Variants in PALS2 observed in about 807,000 individuals in gnomAD.
The protein encoded by PALS2 is protein PALS2.
In PALS2, 27 loss-of-function variants were observed where a neutral mutation model predicts 61.6. The observed-to-expected ratio is 0.44, with a 90% confidence interval of 0.32 to 0.60. The LOEUF (loss-of-function observed/expected upper bound fraction) is 0.60. Among genes scored for constraint, PALS2 ranks in the 20% least tolerant of loss-of-function variants. The pLI, the probability that PALS2 is intolerant of heterozygous loss-of-function variation, is 0.05. For synonymous variants in PALS2, 236 were observed against 218.6 expected (o/e 1.08, Z -0.70); for missense variants, 554 against 639.4 (o/e 0.87, Z 1.44).
rs1159349066 is a variant in PALS2, at chr7:24,687,494, C to T, written c.1503C>T (p.Asn501=). Reference sequence around the variant, plus strand: ...GTGCACGGATTCAGAGAGCATACAACCACTATTTTGATTTGATCATCATAA... The same window carrying T: ...GTGCACGGATTCAGAGAGCATACAATCACTATTTTGATTTGATCATCATAA... ...DESARIQRAY[N]HYFDLIIIND... The change falls in exon 12 of 12, where the codon AAC becomes AAT. Residue 501 remains asparagine, a synonymous_variant. Coordinates refer to ENST00000222644, the MANE Select transcript of PALS2 (RefSeq NM_001303037.2). This position sits in a 1 kb window ranked among gnomAD's most constrained non-coding sequence, Gnocchi z 4.5. 1 of 1,612,776 alleles carries T rather than the reference C, an allele frequency of 6.2e-7. No individual in the cohort carries two copies. The highest frequency in any genetic ancestry group is 1.3e-5 in the African/African-American group (1 of 74,834).
chr7:24,651,685 T>A (rs1055920200), intron 5 of PALS2, among the ~76,000 whole-genome samples: 10 of 152,188 alleles, frequency 6.6e-5, no homozygotes, highest in African/African-American at 2.4e-4. Context: ...CAAGCCTAAG[T>A]AATGTAGAAG....
At chr7:24,654,728 A>G (rs1399970130) in intron 5 of PALS2, among the ~76,000 whole-genome samples, 1 of 152,188 alleles carries the variant, frequency 6.6e-6, no homozygotes, top group Admixed American at 6.5e-5. Context: ...ATGGAATTTG[A>G]TAAGATGAAT....
In PALS2 at chr7:24,578,680, A is replaced by G. The variant is rs183387264; in HGVS notation, c.-3+5087A>G. On this transcript the variant is annotated intron_variant, in intron 1 of 11. Coordinates refer to ENST00000222644, the MANE Select transcript of PALS2 (RefSeq NM_001303037.2). ...GATACCAGCCTGGGAAACTGGAGAA[A>G]GGTTCATCTAGTTCTTCCCTGTTCA... Among the ~76,000 whole-genome samples, 349 of 152,326 alleles carry G rather than the reference A, an allele frequency of 2.3e-3. 1 individual carries two copies. Among genetic ancestry groups the G allele is most frequent in the African/African-American group, 7.9e-3 (329 of 41,570 alleles).
intron 11 of PALS2, among the ~76,000 whole-genome samples, chr7:24,681,956 A>T (rs2128033939): frequency 6.6e-6 from 1 of 152,244 alleles, no homozygotes; most frequent in Middle Eastern, 3.4e-3. Context: ...CTAACATTTG[A>T]GTCAGTTCTG....
In PALS2 at chr7:24,668,536, A is replaced by G. The variant is rs766206138; in HGVS notation, c.990A>G (p.Val330=). ...ATGAAATCCAGATATATGAGGAGGT[A>G]GCCAAAATGCCTCCCTTCCAGAGAA... The part of the protein sequence containing the change: ...DRHEIQIYEE[V]AKMPPFQRKT... Residue 330 remains valine, a synonymous_variant, in exon 9 of 12, where the codon GTA becomes GTG. Transcript: ENST00000222644. 6 of 1,613,558 alleles carry G rather than the reference A, an allele frequency of 3.7e-6. No individual in the cohort carries two copies. In the Admixed American group the frequency reaches 1.0e-4, roughly 27 times the overall value.
intron 11 of PALS2, among the ~76,000 whole-genome samples, chr7:24,682,586 A>G (rs1787993089): frequency 3.9e-5 from 6 of 152,112 alleles, no homozygotes; most frequent in Admixed American, 3.9e-4. Flanking sequence ...CTGTCTTTCT[A>G]TGATCTGTTT....
intron 9 of PALS2, among the ~76,000 whole-genome samples, chr7:24,670,712 C>G (rs1161628238): frequency 6.6e-6 from 1 of 152,186 alleles, no homozygotes; most frequent in African/African-American, 2.4e-5. Flanking sequence ...CTTCCTCACC[C>G]CCTGCTGCCA....
Position 24,646,467 on chromosome 7 carries a change from A to G in PALS2, c.271-3145A>G, listed in dbSNP as rs1238874073. Among the ~76,000 whole-genome samples, 4 of 152,026 alleles carry G rather than the reference A, an allele frequency of 2.6e-5. No individual in the cohort carries two copies. The East Asian group carries it at 7.7e-4, about 29-fold the overall frequency. ...GATGAATCACATTTATTGATTTGCA[A>G]ATGTTGAACAGACCTTGCATTCTGG... On this transcript the variant is annotated intron_variant, in intron 3 of 11. Coordinates refer to ENST00000222644, the MANE Select transcript of PALS2 (RefSeq NM_001303037.2).
chr7:24,647,439 A>G (rs1457996789), intron 3 of PALS2, among the ~76,000 whole-genome samples: 3 of 152,092 alleles, frequency 2.0e-5, no homozygotes, highest in South Asian at 2.1e-4. Context: ...GTGAGCCATC[A>G]TATCATGCCC....
At chr7:24,610,365 T>C (rs1220196976) in intron 1 of PALS2, among the ~76,000 whole-genome samples, 1 of 152,178 alleles carries the variant, frequency 6.6e-6, no homozygotes, top group African/African-American at 2.4e-5. Context: ...TACATGTGTT[T>C]ATACATTTTG....
intron 1 of PALS2, among the ~76,000 whole-genome samples, chr7:24,605,363 G>A (rs1562609481): frequency 6.6e-6 from 1 of 152,186 alleles, no homozygotes; most frequent in East Asian, 1.9e-4. Flanking sequence ...CTATGAATCT[G>A]CAACAACTAA....
At chr7:24,637,861 A>G (rs1785314709) in intron 2 of PALS2, among the ~76,000 whole-genome samples, 1 of 152,208 alleles carries the variant, frequency 6.6e-6, no homozygotes, top group Admixed American at 6.5e-5. Flanking sequence ...ATCAGCTGCA[A>G]ATACTCAATG....
At chr7:24,581,179 C>G (rs1441258994) in intron 1 of PALS2, among the ~76,000 whole-genome samples, 1 of 151,798 alleles carries the variant, frequency 6.6e-6, no homozygotes, top group Non-Finnish European at 1.5e-5. Flanking sequence ...TGGCTTGCGG[C>G]TACACACTGC....
chr7:24,586,108 C>A (rs1368953866), intron 1 of PALS2, among the ~76,000 whole-genome samples: 1 of 151,726 alleles, frequency 6.6e-6, no homozygotes. Context: ...GAAGCAGTTT[C>A]TTTGTATTCC....
intron 5 of PALS2, among the ~76,000 whole-genome samples, chr7:24,660,571 G>A (rs917611936): frequency 3.3e-5 from 5 of 151,502 alleles, no homozygotes; most frequent in African/African-American, 9.7e-5. Context: ...CTTTTTTAAC[G>A]ACTATATATA....
chr7:24,595,502 TATATATA>T (rs1165652386), intron 1 of PALS2, among the ~76,000 whole-genome samples: 83 of 110,472 alleles, frequency 7.5e-4, no homozygotes, highest in Admixed American at 1.9e-3. Context: ...ATATTTTTAA[TATATATA>T]ATATATAATA....
chr7:24,606,142 C>T (rs1451088612), intron 1 of PALS2, among the ~76,000 whole-genome samples: 1 of 152,088 alleles, frequency 6.6e-6, no homozygotes, highest in Non-Finnish European at 1.5e-5. Flanking sequence ...TTAACAGGTG[C>T]ATTTCAAGTT....
chr7:24,649,404 A>G (rs2097950), intron 3 of PALS2, among the ~76,000 whole-genome samples: 10,518 of 152,178 alleles, frequency 0.069, 448 homozygotes, highest in African/African-American at 0.11. Flanking sequence ...GAAGGAATAT[A>G]ATATTGTTTG....
intron 1 of PALS2, 30 bp from the exon 2 acceptor site, chr7:24,623,636 T>C (rs545756470): frequency 7.3e-7 from 1 of 1,361,384 alleles, no homozygotes; most frequent in East Asian, 2.4e-5. Flanking sequence ...TGTTTGTTTG[T>C]TTGTTTTTAT....
Sources: allele counts gnomAD v4.1 joint callset (sites outside exome capture counted in the v4.1 genomes callset), GRCh38; gene constraint gnomAD v4.1.1; non-coding constraint Gnocchi (gnomAD v3.1); transcripts MANE v1.5; gene names NCBI Gene and HGNC (gene_info 2026-07-23, HGNC 2026-07-21).